NEO1: variants seen among roughly 807,000 people sequenced by gnomAD.
The protein encoded by NEO1 is neogenin.
A neutral mutation model predicts 159.7 loss-of-function variants in NEO1; 63 were observed. The observed-to-expected ratio is 0.39, with a 90% CI of 0.32 to 0.49. The LOEUF is 0.49. NEO1 is among the 20% of genes least tolerant of loss of function. The pLI is 0.85. For synonymous variants in NEO1, 633 were observed against 662.0 expected, an observed-to-expected ratio of 0.96 and a Z score of 0.67; for missense variants, 1,615 against 1,831.0, an observed-to-expected ratio of 0.88 and a Z score of 2.15.
chr15:73,166,963 A>C (rs995107961), intron 5 of NEO1, among the ~76,000 whole-genome samples: 8 of 152,008 alleles, frequency 5.3e-5, no homozygotes, highest in African/African-American at 1.9e-4. Flanking sequence ...GGATGAGTTC[A>C]TGTCCTTTGT....
At chr15:73,278,772 T>A (rs1344687591) in intron 22 of NEO1, among the ~76,000 whole-genome samples, 3 of 152,258 alleles carry the variant, frequency 2.0e-5, no homozygotes, top group Admixed American at 2.0e-4. Flanking sequence ...TATTCCCGTT[T>A]AATACATTCA....
intron 1 of NEO1, among the ~76,000 whole-genome samples, chr15:73,106,796 T>C (rs937496120): frequency 2.0e-5 from 3 of 152,200 alleles, no homozygotes; most frequent in African/African-American, 7.2e-5. Context: ...AAATAATTAA[T>C]GTAGGAAAAG....
chr15:73,256,826 C>T (rs991075089), intron 13 of NEO1, among the ~76,000 whole-genome samples: 9 of 151,856 alleles, frequency 5.9e-5, no homozygotes, highest in South Asian at 2.1e-4. Flanking sequence ...TGGTGGCTCA[C>T]GCCTGTAATC....
At chr15:73,259,909 C>T (rs553032838) in intron 14 of NEO1, among the ~76,000 whole-genome samples, 1 of 152,202 alleles carries the variant, frequency 6.6e-6, no homozygotes, top group African/African-American at 2.4e-5. Flanking sequence ...TTTCTCATTC[C>T]ACCTGGTAGA....
intron 7 of NEO1, among the ~76,000 whole-genome samples, chr15:73,183,978 G>C (rs1334178698): frequency 1.3e-5 from 2 of 152,036 alleles, no homozygotes; most frequent in Admixed American, 1.3e-4. Context: ...CTGTTGTTCA[G>C]CATACCGTGT....
intron 1 of NEO1, among the ~76,000 whole-genome samples, chr15:73,073,808 T>G (rs990546136): frequency 6.6e-6 from 1 of 152,142 alleles, no homozygotes; most frequent in Non-Finnish European, 1.5e-5. Context: ...GAATGTACCA[T>G]ACTAGGAGAT....
chr15:73,122,734 C>T lies in NEO1; in HGVS notation c.658C>T (p.Arg220Cys), dbSNP rs200707503. 10 of 1,614,012 alleles carry T rather than the reference C, an allele frequency of 6.2e-6. No homozygotes were observed. Among genetic ancestry groups the T allele is most frequent in the South Asian group, 2.2e-5 (2 of 91,080 alleles). ...NATEGDGGLY[R>C]CVVESGGPPK... The stretch of plus-strand genomic sequence containing the variant: ...AACTGAAGGAGATGGCGGGCTTTAT[C>T]GCTGCGTAGTGGAAAGTGGTGGGCC... The change falls in exon 3 of 29, where the codon CGC becomes TGC. Residue 220 changes from arginine (R) to cysteine (C), a missense_variant. By Grantham distance (180) the Arg-to-Cys change is radical. Transcript: ENST00000261908.
At chr15:73,243,852 G>T (rs1055054200) in intron 8 of NEO1, among the ~76,000 whole-genome samples, 1 of 152,072 alleles carries the variant, frequency 6.6e-6, no homozygotes, top group Non-Finnish European at 1.5e-5. Flanking sequence ...TTATTTAAAT[G>T]TTTTATGTTT....
At chr15:73,204,812 T>C (rs1326945406) in intron 7 of NEO1, among the ~76,000 whole-genome samples, 1 of 152,170 alleles carries the variant, frequency 6.6e-6, no homozygotes, top group Non-Finnish European at 1.5e-5. Context: ...CATGAAAATA[T>C]TATAATTTCT....
chr15:73,272,620 T>G (rs2041223366), intron 19 of NEO1, 58 bp downstream of exon 19: 2 of 1,193,936 alleles, frequency 1.7e-6, no homozygotes, highest in African/African-American at 1.5e-5. Context: ...ACAGGAGTAT[T>G]CCAGGAGAGT....
Position 73,185,039 on chromosome 15 carries a change from G to T in NEO1, c.1291+6612G>T, listed in dbSNP as rs141733351. ...CAAGTGAAAGAAGCCAATTTGAAAG[G>T]GCTAAAAACCGTGTGATTCCAACTA... On this transcript the variant is annotated intron_variant, in intron 7 of 28. Transcript: ENST00000261908. Among the ~76,000 whole-genome samples, 1,342 of 152,192 alleles carry T rather than the reference G, an allele frequency of 8.8e-3. 16 individuals are homozygous for T. Among genetic ancestry groups the T allele is most frequent in the Middle Eastern group, 0.02 (6 of 294 alleles).
intron 15 of NEO1, 31 bp from the exon 16 acceptor site, chr15:73,266,285 A>T (rs376932686): frequency 7.7e-6 from 12 of 1,561,828 alleles, no homozygotes; most frequent in Non-Finnish European, 9.6e-6. Context: ...TGTAGTGAGC[A>T]TTTTTTTAAT....
At chr15:73,129,445 CATCTT>C (rs2030790784) in intron 4 of NEO1, among the ~76,000 whole-genome samples, 1 of 152,146 alleles carries the variant, frequency 6.6e-6, no homozygotes, top group Non-Finnish European at 1.5e-5. Flanking sequence ...CTTTATTACT[CATCTT>C]AAGACTTCTT....
intron 26 of NEO1, among the ~76,000 whole-genome samples, chr15:73,296,281 C>G (rs2042364058): frequency 6.6e-6 from 1 of 152,186 alleles, no homozygotes; most frequent in South Asian, 2.1e-4. Flanking sequence ...CTCCTCCTCC[C>G]TGCTACCCTT....
At chr15:73,198,900 A>G (rs1328856081) in intron 7 of NEO1, among the ~76,000 whole-genome samples, 1 of 151,586 alleles carries the variant, frequency 6.6e-6, no homozygotes, top group Non-Finnish European at 1.5e-5. Flanking sequence ...ATCCTACACC[A>G]TTTTCCCCTA....
intron 2 of NEO1, among the ~76,000 whole-genome samples, chr15:73,120,653 T>G (rs2071593731): frequency 6.6e-6 from 1 of 151,672 alleles, no homozygotes; most frequent in Admixed American, 6.6e-5. Flanking sequence ...TTAACAATCC[T>G]GTGAGGCCTG....
chr15:73,083,922 T>C (rs1595934724), intron 1 of NEO1, among the ~76,000 whole-genome samples: 1 of 152,284 alleles, frequency 6.6e-6, no homozygotes, highest in East Asian at 1.9e-4. Flanking sequence ...CCCAAAACAC[T>C]GGGATTACAG....
At chr15:73,266,508 A>G in intron 16 of NEO1, 97 bp downstream of exon 16, 1 of 823,704 alleles carries the variant, frequency 1.2e-6, no homozygotes, top group Middle Eastern at 2.4e-4. Flanking sequence ...AGGGAAGAAA[A>G]AGCATATGGC....
At chr15:73,053,047 C>G (rs1443275224) in intron 1 of NEO1, among the ~76,000 whole-genome samples, 3 of 152,004 alleles carry the variant, frequency 2.0e-5, no homozygotes, top group Non-Finnish European at 4.4e-5. Flanking sequence ...TAGTTCCCAG[C>G]TTTGTACCTG....
Sources: gnomAD v4.1 joint callset for allele counts (sites outside exome capture counted in the v4.1 genomes callset) on GRCh38, gnomAD v4.1.1 for gene constraint, MANE v1.5 for transcripts, NCBI Gene and HGNC (gene_info 2026-07-23, HGNC 2026-07-21) for gene names.